IQGAP1: variants seen among roughly 807,000 people sequenced by gnomAD.
The protein encoded by IQGAP1 is IQ motif containing GTPase activating protein 1.
In IQGAP1, 66 loss-of-function variants were observed where a neutral mutation model predicts 215.6. The ratio of observed to expected loss-of-function variants is 0.31; its 90% CI spans 0.25 to 0.38. The LOEUF (loss-of-function observed/expected upper bound fraction) is 0.38. Ranked by LOEUF, IQGAP1 falls within the 10% of genes least tolerant of loss-of-function variation. The pLI is 1.00. For synonymous variants in IQGAP1, 772 were observed against 728.7 expected (o/e 1.06, Z -0.96); for missense variants, 1,712 against 1,997.1 (o/e 0.86, Z 2.72).
At chr15:90,444,569 CCA>C (rs1302149664) in intron 9 of IQGAP1, among the ~76,000 whole-genome samples, 5 of 152,086 alleles carry the variant, frequency 3.3e-5, no homozygotes, top group African/African-American at 1.2e-4. Flanking sequence ...CAGGCATGAG[CCA>C]CCTTGCCCAG....
intron 26 of IQGAP1, 65 bp from the exon 27 acceptor site, chr15:90,481,895 C>G: frequency 1.3e-6 from 2 of 1,542,902 alleles, no homozygotes; most frequent in Admixed American, 1.7e-5. Flanking sequence ...AAAGATAAGA[C>G]ACTTGCTTCA....
At chr15:90,433,269 A>G (rs1965327382) in intron 4 of IQGAP1, among the ~76,000 whole-genome samples, 1 of 152,220 alleles carries the variant, frequency 6.6e-6, no homozygotes, top group Non-Finnish European at 1.5e-5. Flanking sequence ...TGCACAAACT[A>G]AAGCACTTAG....
At chr15:90,472,616 C>G (rs1427012550) in intron 18 of IQGAP1, among the ~76,000 whole-genome samples, 1 of 151,730 alleles carries the variant, frequency 6.6e-6, no homozygotes, top group Non-Finnish European at 1.5e-5. Flanking sequence ...AAAAGAAGAT[C>G]AAGTTTTTGT....
chr15:90,388,364 A>G lies in IQGAP1; in HGVS notation c.23A>G (p.Asp8Gly). Residue 8 changes from aspartate (D) to glycine (G), a missense_variant, in exon 1 of 38, where the codon GAC (aspartate) becomes GGC (glycine). This residue lies in a region of IQGAP1 where 1,021 missense variants were observed against 1,074.2 expected (regional missense o/e 0.95). Coordinates refer to ENST00000268182, the MANE Select transcript of IQGAP1 (RefSeq NM_003870.4). Reference sequence around the variant, plus strand: ...GCCATGTCCGCCGCAGACGAGGTTGACGGGCTGGGCGTGGCCCGGCCGCAC... The same window carrying G: ...GCCATGTCCGCCGCAGACGAGGTTGGCGGGCTGGGCGTGGCCCGGCCGCAC... MSAADEV[D>G]GLGVARPHYG... The G allele has an allele frequency of 6.3e-7, 1 of 1,593,676 alleles. No homozygotes were observed. The highest frequency in any genetic ancestry group is 8.5e-7 in the Non-Finnish European group (1 of 1,171,646).
chr15:90,465,697 G>GTT (rs1965821719), intron 15 of IQGAP1, among the ~76,000 whole-genome samples: 2 of 149,754 alleles, frequency 1.3e-5, no homozygotes, highest in Non-Finnish European at 1.5e-5. Flanking sequence ...TTGTTTGTTT[G>GTT]TTTGTTTGTT....
intron 37 of IQGAP1, 127 bp from the exon 38 acceptor site, chr15:90,499,868 C>T (rs1232369679): frequency 3.2e-6 from 2 of 627,522 alleles, no homozygotes; most frequent in African/African-American, 1.8e-5. Context: ...CCCCAGTTCA[C>T]ATCTGGCACA....
At position 90,474,849 on chromosome 15, in the gene IQGAP1, G is replaced by T. The variant is rs1965955508; in HGVS notation, c.2784+156G>T. The T allele has an allele frequency of 6.6e-6, 4 of 607,296 alleles. No homozygotes were observed. The East Asian group carries it at 8.4e-5, about 13-fold the overall frequency. The allele number at this position is 607,296 out of a possible 1,614,324, so 37.6% of individuals were successfully genotyped here. ...TTTTCTTTTGACTGAGTCTCACTCT[G>T]TTGCCCAGGTTGTAGTGCGATGTGA... On this transcript the variant is annotated intron_variant, in intron 23 of 37. Coordinates refer to ENST00000268182, the MANE Select transcript of IQGAP1 (RefSeq NM_003870.4).
intron 2 of IQGAP1, among the ~76,000 whole-genome samples, chr15:90,418,242 ATACT>A (rs904378389): frequency 2.1e-4 from 32 of 152,266 alleles, no homozygotes; most frequent in Middle Eastern, 3.4e-3. Context: ...TTGACTTAAA[ATACT>A]TAGGAAAAAA....
At chr15:90,471,345 A>G (rs1002761308) in intron 18 of IQGAP1, among the ~76,000 whole-genome samples, 1 of 151,976 alleles carries the variant, frequency 6.6e-6, no homozygotes, top group African/African-American at 2.4e-5. Flanking sequence ...TGGAGCTTTG[A>G]CCATCAAGTT....
Position 90,486,067 on chromosome 15 carries a change from A to C in IQGAP1, c.3959A>C (p.His1320Pro). 1 of 1,613,988 alleles carries C rather than the reference A, an allele frequency of 6.2e-7. No individual in the cohort carries two copies. Among genetic ancestry groups the C allele is most frequent in the Non-Finnish European group, 8.5e-7 (1 of 1,179,926 alleles). The change falls in exon 31 of 38, where the codon CAC becomes CCC. Residue 1320 changes from histidine (H) to proline (P), a missense_variant. This residue lies in a region of IQGAP1 where 691 missense variants were observed against 923.0 expected (regional missense o/e 0.75). Coordinates refer to ENST00000268182, the MANE Select transcript of IQGAP1 (RefSeq NM_003870.4). The stretch of plus-strand genomic sequence containing the variant: ...CACCAGGATGCCATTGCTCCGGAGC[A>C]CAATGATCCAATCCACGAACTGCTG... ...LDHQDAIAPE[H>P]NDPIHELLDD...
chr15:90,495,749 C>T (rs1476946485), intron 36 of IQGAP1, among the ~76,000 whole-genome samples: 7 of 149,548 alleles, frequency 4.7e-5, no homozygotes, highest in Non-Finnish European at 1.0e-4. Flanking sequence ...GCAATTCTCC[C>T]ACCTCAGCCT....
At chr15:90,481,837 T>C in intron 26 of IQGAP1, 123 bp from the exon 27 acceptor site, 1 of 1,000,438 alleles carries the variant, frequency 1.0e-6, no homozygotes. Flanking sequence ...ACCAGCCCCG[T>C]GAGGATGAGC....
chr15:90,487,025 A>T lies in IQGAP1; in HGVS notation c.4096A>T (p.Thr1366Ser). Residue 1366 changes from threonine (T) to serine (S), a missense_variant, in exon 32 of 38, where the codon ACC (threonine) becomes TCC (serine). By Grantham distance (58) the Thr-to-Ser change is moderately conservative. Around this residue, in one of 2 missense-constraint regions of IQGAP1, gnomAD observed 691 missense variants for 923.0 expected, o/e 0.75. Transcript: ENST00000268182. The part of the protein sequence containing the change: ...LAKTEVSLTL[T>S]NKFDVPGDEN... Reference sequence around the variant, plus strand: ...TAAGACGGAAGTGTCTCTCACCCTGACCAACAAGTTCGACGTGCCTGGAGA... The same window carrying T: ...TAAGACGGAAGTGTCTCTCACCCTGTCCAACAAGTTCGACGTGCCTGGAGA... 1.2e-6 allele frequency: 2 copies of T among 1,614,114 alleles called. No homozygotes were observed. The highest frequency in any genetic ancestry group is 8.5e-7 in the Non-Finnish European group (1 of 1,179,980).
chr15:90,440,849 C>A (rs1386507444), intron 7 of IQGAP1, among the ~76,000 whole-genome samples: 1 of 152,200 alleles, frequency 6.6e-6, no homozygotes, highest in South Asian at 2.1e-4. Context: ...TGGCTCACGC[C>A]TGTAATCCCA....
At chr15:90,448,104 T>A (rs1351588268) in intron 9 of IQGAP1, among the ~76,000 whole-genome samples, 1 of 152,194 alleles carries the variant, frequency 6.6e-6, no homozygotes, top group African/African-American at 2.4e-5. Context: ...GGCAGTGGAA[T>A]GTATTCAGTG....
rs769561590 is a variant in IQGAP1 at position 90,449,588 on chromosome 15, G to A, written c.1107G>A (p.Glu369=). ...GTCAGACTGACCCCCTGCAGAAGGA[G>A]GAGCTGCAGTCTGGAGTGGATGCTG... ...QSGQTDPLQK[E]ELQSGVDAAN... Residue 369 remains glutamate (E), a synonymous_variant, in exon 11 of 38, where the codon GAG becomes GAA. Coordinates refer to ENST00000268182, the MANE Select transcript of IQGAP1 (RefSeq NM_003870.4). 6.2e-7 allele frequency: 1 copy of A among 1,613,128 alleles called. No individual in the cohort carries two copies. The highest frequency in any genetic ancestry group is 8.5e-7 in the Non-Finnish European group (1 of 1,179,586).
At chr15:90,392,828 T>C (rs1964655236) in intron 2 of IQGAP1, among the ~76,000 whole-genome samples, 1 of 139,528 alleles carries the variant, frequency 7.2e-6, no homozygotes, top group Non-Finnish European at 1.5e-5. Flanking sequence ...CATTGCAACC[T>C]CCACCTCCCG....
chr15:90,448,461 C>A, intron 9 of IQGAP1, 112 bp from the exon 10 acceptor site: 1 of 950,556 alleles, frequency 1.1e-6, no homozygotes, highest in Non-Finnish European at 1.5e-6. Context: ...AGTAAAGGCT[C>A]TCTGAGTTAT....
chr15:90,390,381 C>T (rs2440794), intron 1 of IQGAP1, among the ~76,000 whole-genome samples: 45 of 152,222 alleles, frequency 3.0e-4, no homozygotes, highest in Admixed American at 1.9e-3. Context: ...GTGTAAAATG[C>T]TTCGTACAAT....
Sources: allele counts gnomAD v4.1 joint callset (sites outside exome capture counted in the v4.1 genomes callset), GRCh38; gene constraint gnomAD v4.1.1; regional missense constraint gnomAD v4.1.1; transcripts MANE v1.5; gene names NCBI Gene and HGNC (gene_info 2026-07-23, HGNC 2026-07-21).